The following SLC8A1 variants were observed in gnomAD, a reference collection of about 807,000 sequenced individuals.
SLC8A1 encodes the protein sodium/calcium exchanger 1.
In SLC8A1, 18 loss-of-function variants were observed where a neutral mutation model predicts 68.3. That is an observed-to-expected ratio of 0.26 (90% CI 0.18 to 0.39). The LOEUF (loss-of-function observed/expected upper bound fraction) is 0.39. SLC8A1 is among the 10% of genes least tolerant of loss of function. The probability of loss-of-function intolerance (pLI) is 1.00; values close to 1 mark genes in which losing one functional copy is unlikely to be tolerated. For synonymous variants in SLC8A1, 475 were observed against 415.5 expected (o/e 1.14, Z -1.74); for missense variants, 985 against 1,156.7 (o/e 0.85, Z 2.15).
intron 2 of SLC8A1, among the ~76,000 whole-genome samples, chr2:40,215,873 T>C (rs11890878): frequency 0.12 from 17,604 of 151,994 alleles, 1,101 homozygotes; most frequent in Non-Finnish European, 0.13. Flanking sequence ...TCCATAGTTC[T>C]CAGCTCCAAA....
intron 1 of SLC8A1, among the ~76,000 whole-genome samples, chr2:40,447,158 G>A (rs913215160): frequency 2.6e-5 from 4 of 152,040 alleles, no homozygotes; most frequent in African/African-American, 9.7e-5. Context: ...GAAACCATTT[G>A]TCTGAATTGG....
intron 6 of SLC8A1, among the ~76,000 whole-genome samples, chr2:40,153,839 G>A (rs774036142): frequency 8.5e-5 from 13 of 152,270 alleles, no homozygotes; most frequent in Non-Finnish European, 1.5e-4. Context: ...CTACTTTCTA[G>A]GACTGATTCT....
chr2:40,176,862 C>T (rs954732658), intron 3 of SLC8A1, among the ~76,000 whole-genome samples: 1 of 152,070 alleles, frequency 6.6e-6, no homozygotes, highest in Non-Finnish European at 1.5e-5. Context: ...AAGTAAATCA[C>T]CAGAATTCCT....
chr2:40,412,716 G>A lies in SLC8A1; in HGVS notation c.1808+15757C>T, dbSNP rs1052259806. 6.6e-5 allele frequency among the ~76,000 whole-genome samples: 10 copies of A among 152,130 alleles called. No homozygotes were observed. In the East Asian group the frequency reaches 1.5e-3, roughly 23 times the overall value. ...CCACAAAACCACAGCTGCTAAAATT[G>A]CAAAGGCATGAGTCAGTCATGACAA... On this transcript the variant is annotated intron_variant, in intron 2 of 7. Coordinates refer to ENST00000406785, the Ensembl canonical transcript of SLC8A1.
intron 2 of SLC8A1, among the ~76,000 whole-genome samples, chr2:40,354,818 A>G (rs373282003): frequency 6.6e-6 from 1 of 152,174 alleles, no homozygotes; most frequent in African/African-American, 2.4e-5. Context: ...ATCTTATTAC[A>G]TCAAAGTGGC....
At chr2:40,177,248 A>G (rs1226600400) in intron 3 of SLC8A1, among the ~76,000 whole-genome samples, 1 of 152,158 alleles carries the variant, frequency 6.6e-6, no homozygotes, top group Non-Finnish European at 1.5e-5. Context: ...AAATATTTTT[A>G]AACTGTGTTC....
At chr2:40,167,652 C>A (rs1209294369) in intron 4 of SLC8A1, among the ~76,000 whole-genome samples, 1 of 152,112 alleles carries the variant, frequency 6.6e-6, no homozygotes, top group Non-Finnish European at 1.5e-5. Context: ...ACTTTTATCC[C>A]TTTATGTATT....
At chr2:40,157,216 C>T (rs140669390) in intron 6 of SLC8A1, among the ~76,000 whole-genome samples, 1 of 152,238 alleles carries the variant, frequency 6.6e-6, no homozygotes, top group East Asian at 1.9e-4. Context: ...TTTGGCGTTT[C>T]CATGTACAGA....
At position 40,494,468 on chromosome 2, in the gene SLC8A1, G is replaced by A. The variant is rs998470719; in HGVS notation, c.-25+17881C>T. On this transcript the variant is annotated intron_variant, in intron 1 of 7. Coordinates refer to the SLC8A1 transcript ENST00000402441. ...GAGTAGTGCCGCAATAAACATACGT[G>A]TGCATGTGTCTTTATAGCAGGATGA... 4.6e-5 allele frequency among the ~76,000 whole-genome samples: 7 copies of A among 151,702 alleles called. No individual in the cohort carries two copies. The East Asian group carries it at 9.7e-4, about 21-fold the overall frequency.
chr2:40,461,660 T>A (rs1247545456), intron 1 of SLC8A1, among the ~76,000 whole-genome samples: 1 of 152,206 alleles, frequency 6.6e-6, no homozygotes, highest in African/African-American at 2.4e-5. Context: ...ATTTCAGAAA[T>A]ATACAAGACC....
chr2:40,158,353 C>T (rs927638878), intron 6 of SLC8A1, among the ~76,000 whole-genome samples: 1 of 152,110 alleles, frequency 6.6e-6, no homozygotes, highest in African/African-American at 2.4e-5. Context: ...CATGTAATTG[C>T]GTATAATTTG....
intron 2 of SLC8A1, among the ~76,000 whole-genome samples, chr2:40,408,063 C>A (rs923428058): frequency 6.6e-6 from 1 of 152,206 alleles, no homozygotes; most frequent in Non-Finnish European, 1.5e-5. Flanking sequence ...AGTTAATAAT[C>A]TTCCAGCATG....
chr2:40,297,992 G>C (rs1257747778), intron 2 of SLC8A1, among the ~76,000 whole-genome samples: 2 of 152,102 alleles, frequency 1.3e-5, no homozygotes, highest in African/African-American at 4.8e-5. Flanking sequence ...CCGTTCTTCT[G>C]CCTCAGACTC....
intron 1 of SLC8A1, among the ~76,000 whole-genome samples, chr2:40,469,174 G>A (rs1406457717): frequency 1.3e-5 from 2 of 152,110 alleles, no homozygotes; most frequent in Non-Finnish European, 2.9e-5. Flanking sequence ...TGTTTGCAAT[G>A]CTTTTTAAAC....
chr2:40,266,156 G>A (rs1419637966), intron 2 of SLC8A1, among the ~76,000 whole-genome samples: 2 of 152,160 alleles, frequency 1.3e-5, no homozygotes, highest in African/African-American at 4.8e-5. Context: ...TGAAATATGT[G>A]TGCATTTTTA....
intron 1 of SLC8A1, among the ~76,000 whole-genome samples, chr2:40,473,545 A>G (rs1258235372): frequency 1.3e-5 from 2 of 152,212 alleles, no homozygotes; most frequent in Non-Finnish European, 2.9e-5. Context: ...CAAACATTTT[A>G]CATGTTTTGT....
In SLC8A1 at chr2:40,386,437, G is replaced by T. The variant is rs180740734; in HGVS notation, c.1808+42036C>A. ...ACAAAGGTCTGAGAAATAATATGAGGCTTTTACATTATTTAATCTCACCAA... is the reference window on the plus strand; with the variant it reads ...ACAAAGGTCTGAGAAATAATATGAGTCTTTTACATTATTTAATCTCACCAA... On this transcript the variant is annotated intron_variant, in intron 2 of 7. Coordinates refer to ENST00000406785, the Ensembl canonical transcript of SLC8A1. 5.1e-4 allele frequency among the ~76,000 whole-genome samples: 77 copies of T among 150,432 alleles called. No individual in the cohort carries two copies. In the East Asian group the frequency reaches 0.015, roughly 29 times the overall value.
chr2:40,343,402 T>G (rs1299014110), intron 2 of SLC8A1, among the ~76,000 whole-genome samples: 1 of 152,102 alleles, frequency 6.6e-6, no homozygotes, highest in East Asian at 1.9e-4. Context: ...TCACTTGGAA[T>G]TCTAAGAAGT....
exon 8 of SLC8A1, chr2:40,112,825 A>C (rs1339177976): frequency 6.6e-6 from 1 of 152,316 alleles, no homozygotes; most frequent in Non-Finnish European, 1.5e-5. Context: ...TTTAAAATGG[A>C]GAGATATATT....
Sources: allele counts gnomAD v4.1 joint callset (sites outside exome capture counted in the v4.1 genomes callset), GRCh38; gene constraint gnomAD v4.1.1; transcripts MANE v1.5; gene names NCBI Gene and HGNC (gene_info 2026-07-23, HGNC 2026-07-21).